Variants in RCOR1 observed in about 807,000 individuals in gnomAD.
RCOR1 encodes the protein REST corepressor.
Under a neutral mutation model 64.0 loss-of-function variants are expected in RCOR1, and 12 were observed. That is an observed-to-expected ratio of 0.19 (90% CI 0.12 to 0.30). The LOEUF is 0.30. RCOR1 is among the 10% of genes least tolerant of loss of function. RCOR1 has a pLI of 1.00. For synonymous variants in RCOR1, 279 were observed against 227.2 expected (o/e 1.23, Z -2.05); for missense variants, 502 against 621.2 (o/e 0.81, Z 2.04).
intron 11 of RCOR1, 111 bp downstream of exon 11, chr14:102,722,527 T>A: frequency 1.3e-6 from 1 of 797,444 alleles, no homozygotes; most frequent in Non-Finnish European, 2.0e-6. Flanking sequence ...TCAGCTGTAT[T>A]AGTAACTTCA....
chr14:102,674,449 G>C (rs188191941), intron 2 of RCOR1, among the ~76,000 whole-genome samples: 2 of 152,280 alleles, frequency 1.3e-5, no homozygotes, highest in East Asian at 3.9e-4. Flanking sequence ...ACCATATGCT[G>C]ATGTTTTCTG....
At chr14:102,676,974 G>GC (rs1895182867) in intron 2 of RCOR1, among the ~76,000 whole-genome samples, 2 of 109,734 alleles carry the variant, frequency 1.8e-5, no homozygotes, top group Admixed American at 1.6e-4. Flanking sequence ...TCCCAGTAGG[G>GC]GCGGCCGGGC....
At chr14:102,723,166 T>G (rs1333793599) in intron 11 of RCOR1, among the ~76,000 whole-genome samples, 1 of 152,244 alleles carries the variant, frequency 6.6e-6, no homozygotes, top group Admixed American at 6.5e-5. Flanking sequence ...TTCACAGGCA[T>G]GGTAATTTAA....
chr14:102,676,156 C>G (rs1232394876), intron 2 of RCOR1, among the ~76,000 whole-genome samples: 1 of 150,968 alleles, frequency 6.6e-6, no homozygotes, highest in East Asian at 2.0e-4. Flanking sequence ...ATTTTTTCCC[C>G]ACCCTTCCCG....
In RCOR1 at chr14:102,598,694, C is replaced by T. The variant is rs530112656; in HGVS notation, c.361+5369C>T. 1.8e-3 allele frequency among the ~76,000 whole-genome samples: 278 copies of T among 151,754 alleles called. 3 individuals carry two copies. The highest frequency in any genetic ancestry group is 6.5e-3 in the African/African-American group (267 of 41,372). ...CAATCTCCTGACCTCGTGATCCGCC[C>T]GCCTCGGCCTCCCAGAGTGCTGGGA... On this transcript the variant is annotated intron_variant, in intron 2 of 11. Transcript: ENST00000262241.
chr14:102,662,609 T>C (rs140930374), intron 2 of RCOR1: 1 of 450,100 alleles, frequency 2.2e-6, no homozygotes. Context: ...TTTTTCCGGC[T>C]GTGGACGCCT....
chr14:102,723,113 C>T (rs1192337943), intron 11 of RCOR1, among the ~76,000 whole-genome samples: 1 of 152,210 alleles, frequency 6.6e-6, no homozygotes, highest in Non-Finnish European at 1.5e-5. Context: ...TGGGGCTGGG[C>T]ATAAGAAAGA....
intron 2 of RCOR1, among the ~76,000 whole-genome samples, chr14:102,639,595 G>T (rs915230042): frequency 6.9e-6 from 1 of 144,704 alleles, no homozygotes; most frequent in South Asian, 2.2e-4. Context: ...GTGCAATGGC[G>T]TGATCTTGGC....
At chr14:102,628,049 C>T (rs894789702) in intron 2 of RCOR1, among the ~76,000 whole-genome samples, 1 of 151,898 alleles carries the variant, frequency 6.6e-6, no homozygotes, top group Non-Finnish European at 1.5e-5. Context: ...TCTGGAATCC[C>T]GAGATAGCTG....
Position 102,728,079 on chromosome 14 carries a change from CTTG to C in RCOR1, c.*1576_*1578del, listed in dbSNP as rs1896306078. 6.6e-6 allele frequency: 1 copy of C among 152,506 alleles called. No individual in the cohort carries two copies. Among genetic ancestry groups the C allele is most frequent in the Non-Finnish European group, 1.5e-5 (1 of 68,036 alleles). The allele number at this position is 152,506 out of a possible 1,614,324, so 9.4% of individuals were successfully genotyped here. On this transcript the variant is annotated 3_prime_UTR_variant, in exon 12 of 12. Transcript: ENST00000262241. ...TTGATATGTTTTGTCTCCCAAGCAC[CTTG>C]TTTTTTGTTGTTGTTGTTGTTGTTG...
intron 2 of RCOR1, among the ~76,000 whole-genome samples, chr14:102,637,929 A>G (rs1555463328): frequency 6.6e-6 from 1 of 152,200 alleles, no homozygotes; most frequent in Non-Finnish European, 1.5e-5. Flanking sequence ...CTGGAAGTAA[A>G]TAATTAAGTT....
intron 2 of RCOR1, among the ~76,000 whole-genome samples, chr14:102,621,430 C>T (rs1337532572): frequency 7.4e-6 from 1 of 135,032 alleles, no homozygotes; most frequent in East Asian, 2.2e-4. Flanking sequence ...AGCTGGAGTG[C>T]ACTGGTGCAA....
At chr14:102,706,130 A>AAAAAAAAAAAAAAC in intron 4 of RCOR1, among the ~76,000 whole-genome samples, 1 of 149,400 alleles carries the variant, frequency 6.7e-6, no homozygotes, top group Non-Finnish European at 1.5e-5. Flanking sequence ...AAAAAAAAAA[A>AAAAAAAAAAAAAAC]AAAAAAAAAA....
intron 2 of RCOR1, among the ~76,000 whole-genome samples, chr14:102,634,142 G>A (rs1894184264): frequency 6.6e-6 from 1 of 152,098 alleles, no homozygotes; most frequent in South Asian, 2.1e-4. Context: ...CTTGCCCAGG[G>A]TTGAGGGTGG....
At position 102,592,977 on chromosome 14, in the gene RCOR1, T is replaced by TCCG. The variant is rs1893160866; in HGVS notation, c.100_102dup (p.Ala34dup). The TCCG allele has an allele frequency of 6.9e-6, 8 of 1,153,634 alleles. No individual in the cohort carries two copies. The highest frequency in any genetic ancestry group is 4.5e-5 in the Admixed American group (1 of 22,006). The allele number at this position is 1,153,634 out of a possible 1,614,324, so 71.5% of individuals were successfully genotyped here. A position where few individuals can be genotyped will look rare whatever the true frequency, so the allele number is the denominator to read the frequency against. ...CGCCTCCGCCTCCGCCGCCGCCGCC[T>TCCG]CCGCCGCCGCCTCGGCCGCCTGCGC... On this transcript the variant is annotated inframe_insertion, in exon 1 of 12. Coordinates refer to ENST00000262241, the MANE Select transcript of RCOR1 (RefSeq NM_015156.4).
intron 2 of RCOR1, 82 bp from the exon 3 acceptor site, chr14:102,681,813 A>C: frequency 1.0e-6 from 1 of 965,696 alleles, no homozygotes. Flanking sequence ...AAGGTGGGTG[A>C]TGTCATTAAA....
chr14:102,651,759 A>G (rs1894595963), intron 2 of RCOR1, among the ~76,000 whole-genome samples: 1 of 152,146 alleles, frequency 6.6e-6, no homozygotes, highest in African/African-American at 2.4e-5. Flanking sequence ...AGGCTAGAGT[A>G]CAGTGGCACC....
At chr14:102,680,310 C>T (rs1348092079) in intron 2 of RCOR1, among the ~76,000 whole-genome samples, 2 of 151,996 alleles carry the variant, frequency 1.3e-5, no homozygotes, top group African/African-American at 2.4e-5. Flanking sequence ...CACAGATAAT[C>T]GTGCAGTTTT....
chr14:102,635,700 G>T (rs1465750989), intron 2 of RCOR1, among the ~76,000 whole-genome samples: 1 of 151,890 alleles, frequency 6.6e-6, no homozygotes, highest in Non-Finnish European at 1.5e-5. Flanking sequence ...AATCTGCATG[G>T]ATTGTTTTTC....
Sources: gnomAD v4.1 joint callset for allele counts (sites outside exome capture counted in the v4.1 genomes callset) on GRCh38, gnomAD v4.1.1 for gene constraint, MANE v1.5 for transcripts, NCBI Gene and HGNC (gene_info 2026-07-23, HGNC 2026-07-21) for gene names.